The following VAT1L variants were observed in gnomAD, a reference collection of about 807,000 sequenced individuals.
The protein encoded by VAT1L is putative NADPH-dependent quinone oxidoreductase VAT1L.
VAT1L carries 34 observed loss-of-function variants against 44.1 expected under a neutral mutation model. The observed-to-expected ratio is 0.77, with a 90% CI of 0.59 to 1.03. The LOEUF (loss-of-function observed/expected upper bound fraction) is 1.03. Among genes scored for constraint, VAT1L ranks in the 50% least tolerant of loss-of-function variants. VAT1L has a pLI of 0.00. For synonymous variants in VAT1L, 253 were observed against 202.2 expected (o/e 1.25, Z -2.13); for missense variants, 615 against 538.8 (o/e 1.14, Z -1.40).
At chr16:77,882,921 C>T (rs926357574) in intron 6 of VAT1L, among the ~76,000 whole-genome samples, 3 of 152,112 alleles carry the variant, frequency 2.0e-5, no homozygotes, top group Non-Finnish European at 4.4e-5. Flanking sequence ...CCAGGTAAGA[C>T]CATCAAAACT....
intron 2 of VAT1L, among the ~76,000 whole-genome samples, chr16:77,818,787 C>A (rs554984928): frequency 6.6e-6 from 1 of 152,188 alleles, no homozygotes; most frequent in Non-Finnish European, 1.5e-5. Flanking sequence ...GTCACTTACT[C>A]GTTTCCAGTT....
At chr16:77,899,783 G>A (rs972773564) in intron 7 of VAT1L, among the ~76,000 whole-genome samples, 4 of 152,182 alleles carry the variant, frequency 2.6e-5, no homozygotes, top group Non-Finnish European at 5.9e-5. Flanking sequence ...ACCTAGATGC[G>A]GAGAGCGGAT....
chr16:77,926,292 T>C (rs2017668127), intron 7 of VAT1L, among the ~76,000 whole-genome samples: 1 of 132,430 alleles, frequency 7.6e-6, no homozygotes, highest in East Asian at 2.3e-4. Context: ...AGTAATAAAA[T>C]AGGAGTTGGG....
chr16:77,955,784 G>C (rs2018097562), intron 7 of VAT1L, among the ~76,000 whole-genome samples: 1 of 148,398 alleles, frequency 6.7e-6, no homozygotes, highest in Non-Finnish European at 1.5e-5. Flanking sequence ...GGACAAGCAA[G>C]ATGCATATAG....
intron 3 of VAT1L, among the ~76,000 whole-genome samples, chr16:77,859,311 G>T (rs116480263): frequency 0.015 from 2,308 of 152,150 alleles, 62 homozygotes; most frequent in African/African-American, 0.052. Flanking sequence ...ACAAACAAAA[G>T]TAAGATGAAA....
At chr16:77,823,587 C>G (rs1257587105) in intron 2 of VAT1L, among the ~76,000 whole-genome samples, 1 of 152,180 alleles carries the variant, frequency 6.6e-6, no homozygotes, top group Non-Finnish European at 1.5e-5. Flanking sequence ...TTCTTAGTCT[C>G]AGTTTCTTCA....
In VAT1L at chr16:77,908,464, C is replaced by CAAAA. The variant is rs11418351; in HGVS notation, c.1077+23684_1077+23687dup. On this transcript the variant is annotated intron_variant, in intron 7 of 8. Coordinates refer to ENST00000302536, the MANE Select transcript of VAT1L (RefSeq NM_020927.3). ...GGGGGACAAGAACCAGGTTCTGTCT[C>CAAAA]AAAAAAAAAAAAAAAAAAAAAAAAA... Among the ~76,000 whole-genome samples, 155 of 39,308 alleles carry CAAAA rather than the reference C, an allele frequency of 3.9e-3. 10 individuals carry two copies. The highest frequency in any genetic ancestry group is 0.033 in the Middle Eastern group (1 of 30). 25.8% of individuals were successfully genotyped at this position (39,308 alleles called of 152,430 possible).
intron 7 of VAT1L, among the ~76,000 whole-genome samples, chr16:77,935,636 GA>G (rs1373162120): frequency 8.5e-5 from 13 of 152,114 alleles, no homozygotes; most frequent in Admixed American, 3.9e-4. Flanking sequence ...GGGGAAGAGA[GA>G]GAGAGAGAAG....
chr16:77,905,293 G>T (rs17704444), intron 7 of VAT1L, among the ~76,000 whole-genome samples: 32,112 of 152,080 alleles, frequency 0.21, 3,506 homozygotes, highest in South Asian at 0.25. Context: ...AAGAAGAAAA[G>T]AATTTGAAGC....
intron 7 of VAT1L, among the ~76,000 whole-genome samples, chr16:77,899,411 T>C (rs999277570): frequency 5.3e-5 from 8 of 152,332 alleles, no homozygotes; most frequent in Non-Finnish European, 1.2e-4. Flanking sequence ...TCCTACCTTC[T>C]GTGATTAGAC....
chr16:77,881,834 A>G (rs932210449), intron 6 of VAT1L, among the ~76,000 whole-genome samples: 1 of 152,270 alleles, frequency 6.6e-6, no homozygotes, highest in African/African-American at 2.4e-5. Flanking sequence ...GGCTGTAATT[A>G]ACATGATGTT....
rs538577571 is a variant in VAT1L at position 77,901,153 on chromosome 16, C to CTTTTTTTTT, written c.1077+16373_1077+16381dup. 4.4e-5 allele frequency among the ~76,000 whole-genome samples: 4 copies of CTTTTTTTTT among 89,994 alleles called. 1 individual carries two copies. The highest frequency in any genetic ancestry group is 1.9e-4 in the African/African-American group (4 of 20,782). 59.0% of individuals were successfully genotyped at this position (89,994 alleles called of 152,430 possible). Reference sequence around the variant, plus strand: ...GGTAGGTGTGTGACCAGTAGTTTACCTTTTTTTTTTTTTTTTTTTTTTTTT... The same window carrying CTTTTTTTTT: ...GGTAGGTGTGTGACCAGTAGTTTACCTTTTTTTTTTTTTTTTTTTTTTTTTTTTTTTTTT... On this transcript the variant is annotated intron_variant, in intron 7 of 8. Transcript: ENST00000302536.
At chr16:77,937,842 A>C (rs781105444) in intron 7 of VAT1L, among the ~76,000 whole-genome samples, 4 of 152,224 alleles carry the variant, frequency 2.6e-5, no homozygotes, top group Non-Finnish European at 5.9e-5. Context: ...AGTGAAGCCC[A>C]CTAGTTGGGA....
At chr16:77,888,729 C>A (rs1447954999) in intron 7 of VAT1L, among the ~76,000 whole-genome samples, 2 of 152,214 alleles carry the variant, frequency 1.3e-5, no homozygotes, top group Non-Finnish European at 2.9e-5. Flanking sequence ...TGTCCCCAGA[C>A]ATTGTCAAAT....
At chr16:77,834,365 C>T (rs533037913) in intron 3 of VAT1L, among the ~76,000 whole-genome samples, 1 of 152,328 alleles carries the variant, frequency 6.6e-6, no homozygotes, top group African/African-American at 2.4e-5. Context: ...CAGCCAGAGA[C>T]TGCATTTTCA....
intron 4 of VAT1L, among the ~76,000 whole-genome samples, chr16:77,868,852 C>G (rs535410019): frequency 1.3e-5 from 2 of 152,184 alleles, no homozygotes; most frequent in East Asian, 3.9e-4. Context: ...GAGCAGCATC[C>G]CTGGTCTCTA....
At chr16:77,936,909 G>A (rs1038829025) in intron 7 of VAT1L, among the ~76,000 whole-genome samples, 10 of 143,836 alleles carry the variant, frequency 7.0e-5, no homozygotes, top group Non-Finnish European at 7.6e-5. Context: ...TTTTTGAGAC[G>A]GAGTCTCGCT....
chr16:77,809,558 T>C (rs561955299), intron 1 of VAT1L, among the ~76,000 whole-genome samples: 9 of 152,174 alleles, frequency 5.9e-5, no homozygotes, highest in Non-Finnish European at 1.3e-4. Context: ...AAAGAGACTC[T>C]CAGAGCTGGG....
intron 7 of VAT1L, among the ~76,000 whole-genome samples, chr16:77,906,414 A>AT (rs1248528273): frequency 2.6e-5 from 4 of 152,212 alleles, no homozygotes; most frequent in African/African-American, 9.6e-5. Context: ...GACTTGCACA[A>AT]TAGGACAGTC....
Sources: gnomAD v4.1 joint callset for allele counts (sites outside exome capture counted in the v4.1 genomes callset) on GRCh38, gnomAD v4.1.1 for gene constraint, MANE v1.5 for transcripts, NCBI Gene and HGNC (gene_info 2026-07-23, HGNC 2026-07-21) for gene names.